MARK3: variants seen among roughly 807,000 people sequenced by gnomAD.
The protein encoded by MARK3 is microtubule affinity regulating kinase 3.
In MARK3, 46 loss-of-function variants were observed where a neutral mutation model predicts 90.1. The ratio of observed to expected loss-of-function variants is 0.51; its 90% confidence interval spans 0.40 to 0.65. MARK3 has a LOEUF of 0.65. Ranked by LOEUF, MARK3 falls within the 30% of genes least tolerant of loss-of-function variation. The probability of loss-of-function intolerance (pLI) is 0.00; values close to 1 mark genes in which losing one functional copy is unlikely to be tolerated. For missense variants in MARK3, 818 were observed against 947.2 expected (o/e 0.86, Z 1.79); for synonymous variants, 321 against 332.6 (o/e 0.97, Z 0.38).
At chr14:103,412,458 T>G (rs759030484) in intron 2 of MARK3, 10 of 544,032 alleles carry the variant, frequency 1.8e-5, no homozygotes, top group Non-Finnish European at 3.3e-5. Flanking sequence ...TCATACTTCT[T>G]GGCCAGCTTC....
At chr14:103,461,442 T>TA (rs2093398588) in intron 6 of MARK3, among the ~76,000 whole-genome samples, 1 of 152,230 alleles carries the variant, frequency 6.6e-6, no homozygotes, top group Non-Finnish European at 1.5e-5. Context: ...GCAAGTTGAC[T>TA]AAATAAAAGC....
intron 12 of MARK3, 54 bp downstream of exon 12, chr14:103,468,240 C>T: frequency 6.6e-7 from 1 of 1,505,382 alleles, no homozygotes; most frequent in Non-Finnish European, 9.0e-7. Context: ...AAGAGGTCTC[C>T]TAGCACTGGG....
chr14:103,385,888 A>C lies in MARK3; in HGVS notation c.-142A>C. 4 of 642,758 alleles carry C rather than the reference A, an allele frequency of 6.2e-6. No homozygotes were observed. Among genetic ancestry groups the C allele is most frequent in the Non-Finnish European group, 2.8e-6 (1 of 356,674 alleles). The allele number at this position is 642,758 out of a possible 1,614,324, so 39.8% of individuals were successfully genotyped here. ...GGCCCGGGCCAGGCCCGGGATCTAG[A>C]CGGCCGTAGGGGGAAGGGAGCCGCC... On this transcript the variant is annotated 5_prime_UTR_variant, in exon 1 of 18. Coordinates refer to ENST00000429436, the MANE Select transcript of MARK3 (RefSeq NM_001128918.3).
At chr14:103,431,381 C>T (rs901985499) in intron 3 of MARK3, among the ~76,000 whole-genome samples, 2 of 152,122 alleles carry the variant, frequency 1.3e-5, no homozygotes, top group African/African-American at 2.4e-5. Context: ...CACGTGTGAG[C>T]CACCATGCCC....
Position 103,450,875 on chromosome 14 carries a change from AGTGTGT to A in MARK3, c.347-1006_347-1001del, listed in dbSNP as rs61183226. 5.7e-3 allele frequency among the ~76,000 whole-genome samples: 660 copies of A among 114,872 alleles called. 5 individuals are homozygous for A. Among genetic ancestry groups the A allele is most frequent in the African/African-American group, 0.018 (543 of 30,546 alleles). The allele number at this position is 114,872 out of a possible 152,430, so 75.4% of individuals were successfully genotyped here. ...GGATTTACTCCAGTTTCATTTTTAA[AGTGTGT>A]GTGTGTGTGTGTGTGTGTGTGTGTG... On this transcript the variant is annotated intron_variant, in intron 4 of 17. Transcript: ENST00000429436.
intron 2 of MARK3, among the ~76,000 whole-genome samples, chr14:103,422,421 C>T (rs1371125909): frequency 6.6e-6 from 1 of 152,220 alleles, no homozygotes; most frequent in African/African-American, 2.4e-5. Context: ...CGCGACTGCA[C>T]TCCAGCCTGG....
intron 1 of MARK3, among the ~76,000 whole-genome samples, chr14:103,394,491 A>C (rs1158630085): frequency 2.0e-5 from 3 of 152,172 alleles, no homozygotes; most frequent in South Asian, 4.1e-4. Context: ...CTAGCACTAC[A>C]CTCTAGCCAC....
At chr14:103,446,136 G>A (rs2092989464) in intron 3 of MARK3, among the ~76,000 whole-genome samples, 1 of 152,200 alleles carries the variant, frequency 6.6e-6, no homozygotes, top group Non-Finnish European at 1.5e-5. Context: ...GAACAGATGG[G>A]CTATGATGTA....
At chr14:103,415,910 C>T (rs1659073561) in intron 2 of MARK3, among the ~76,000 whole-genome samples, 1 of 152,136 alleles carries the variant, frequency 6.6e-6, no homozygotes, top group South Asian at 2.1e-4. Context: ...TAGCTTTCTC[C>T]AAATTTATCA....
At chr14:103,402,051 C>G (rs576576978) in intron 1 of MARK3, among the ~76,000 whole-genome samples, 3 of 152,086 alleles carry the variant, frequency 2.0e-5, no homozygotes, top group African/African-American at 7.2e-5. Context: ...GCCTTGAATT[C>G]GTTTAACATT....
chr14:103,472,409 C>T (rs1314842761), intron 12 of MARK3, among the ~76,000 whole-genome samples: 3 of 151,688 alleles, frequency 2.0e-5, no homozygotes, highest in East Asian at 1.9e-4. Context: ...TTTGGGAGGC[C>T]GAGGTGGGCG....
intron 3 of MARK3, among the ~76,000 whole-genome samples, chr14:103,438,460 C>G (rs566903161): frequency 6.6e-6 from 1 of 152,126 alleles, no homozygotes; most frequent in African/African-American, 2.4e-5. Flanking sequence ...TCCCTTGGAG[C>G]CAGTCACTCA....
chr14:103,467,453 C>A (rs2093529751), intron 11 of MARK3: 1 of 235,190 alleles, frequency 4.3e-6, no homozygotes, highest in Non-Finnish European at 8.2e-6. Flanking sequence ...TCACTTGAGA[C>A]CAGGAGTTCG....
At chr14:103,388,162 T>A (rs1172923624) in intron 1 of MARK3, among the ~76,000 whole-genome samples, 1 of 151,872 alleles carries the variant, frequency 6.6e-6, no homozygotes, top group Non-Finnish European at 1.5e-5. Context: ...AACTCCCGAC[T>A]TCAGGTGATC....
intron 1 of MARK3, among the ~76,000 whole-genome samples, chr14:103,386,748 G>A (rs1036122609): frequency 6.6e-6 from 1 of 152,188 alleles, no homozygotes; most frequent in Admixed American, 6.5e-5. Flanking sequence ...TCACTGCCTA[G>A]CTGAGGGACA....
intron 3 of MARK3, among the ~76,000 whole-genome samples, chr14:103,435,219 T>G (rs1447758639): frequency 6.6e-6 from 1 of 152,208 alleles, no homozygotes; most frequent in African/African-American, 2.4e-5. Context: ...TCTTGTGCAT[T>G]AGAAACATTT....
intron 2 of MARK3, among the ~76,000 whole-genome samples, chr14:103,406,226 G>T (rs996282700): frequency 1.3e-5 from 2 of 150,868 alleles, no homozygotes; most frequent in Non-Finnish European, 3.0e-5. Context: ...GGGGGGTTAG[G>T]GGGGTGTCGG....
At chr14:103,403,546 G>A (rs549874673) in intron 1 of MARK3, among the ~76,000 whole-genome samples, 1 of 152,112 alleles carries the variant, frequency 6.6e-6, no homozygotes, top group South Asian at 2.1e-4. Flanking sequence ...TAAGATATAA[G>A]GAATAATAAA....
chr14:103,470,032 G>C (rs578055473), intron 12 of MARK3, among the ~76,000 whole-genome samples: 2 of 149,040 alleles, frequency 1.3e-5, no homozygotes, highest in South Asian at 4.3e-4. Flanking sequence ...CTGCACTCCA[G>C]CCTAGTGACA....
Sources: allele counts gnomAD v4.1 joint callset (sites outside exome capture counted in the v4.1 genomes callset), GRCh38; gene constraint gnomAD v4.1.1; transcripts MANE v1.5; gene names NCBI Gene and HGNC (gene_info 2026-07-23, HGNC 2026-07-21).